Variants in FAM20B observed in about 807,000 individuals in gnomAD.
FAM20B encodes glycosaminoglycan xylosylkinase.
Under a neutral mutation model 43.8 loss-of-function variants are expected in FAM20B, and 23 were observed. The ratio of observed to expected loss-of-function variants is 0.53; its 90% CI spans 0.38 to 0.74. FAM20B has a LOEUF of 0.74. FAM20B is among the 30% of genes least tolerant of loss of function. The pLI, the probability that FAM20B is intolerant of heterozygous loss-of-function variation, is 0.00. For synonymous variants in FAM20B, 178 were observed against 192.4 expected, an observed-to-expected ratio of 0.93 and a Z score of 0.62; for missense variants, 440 against 510.5, an observed-to-expected ratio of 0.86 and a Z score of 1.33.
chr1:179,022,105 C>A (rs968138596), upstream of FAM20B, among the ~76,000 whole-genome samples: 5 of 152,072 alleles, frequency 3.3e-5, no homozygotes, highest in African/African-American at 1.2e-4. Flanking sequence ...AAGCAAGAGG[C>A]GGGCTGGGAG....
At chr1:179,021,911 G>A (rs560855863), upstream of FAM20B, among the ~76,000 whole-genome samples, 6 of 152,256 alleles carry the variant, frequency 3.9e-5, no homozygotes, top group East Asian at 7.7e-4. Context: ...TATTGCTAGA[G>A]TGAAAAAATA....
chr1:179,022,413 T>G (rs894193023), upstream of FAM20B, among the ~76,000 whole-genome samples: 1 of 152,192 alleles, frequency 6.6e-6, no homozygotes, highest in African/African-American at 2.4e-5. Flanking sequence ...GAGGGATCCA[T>G]CATGGTGGCT....
intron 4 of FAM20B, among the ~76,000 whole-genome samples, chr1:179,061,076 ATTTTTTT>A (rs67897742): frequency 1.6e-5 from 2 of 126,288 alleles, no homozygotes; most frequent in Non-Finnish European, 3.2e-5. Context: ...TCTTTGTCGA[ATTTTTTT>A]TTTTTTTTTT....
intron 2 of FAM20B, among the ~76,000 whole-genome samples, chr1:179,046,051 A>G (rs1650757151): frequency 6.6e-6 from 1 of 152,198 alleles, no homozygotes; most frequent in Non-Finnish European, 1.5e-5. Flanking sequence ...GGACAATTTC[A>G]GTTCTTATTT....
At chr1:179,037,683 C>T (rs776355191) in intron 1 of FAM20B, among the ~76,000 whole-genome samples, 4 of 151,892 alleles carry the variant, frequency 2.6e-5, no homozygotes, top group Non-Finnish European at 4.4e-5. Context: ...GATGGGGTTT[C>T]GCCGTGTTGT....
chr1:179,044,151 G>A lies in FAM20B; in HGVS notation c.304G>A (p.Gly102Ser). Residue 102 changes from glycine (G) to serine (S), a missense_variant, in exon 2 of 8, where the codon GGT (glycine) becomes AGT (serine). Gly to Ser is a moderately conservative substitution (Grantham distance 56, BLOSUM62 0). Coordinates refer to ENST00000263733, the MANE Select transcript of FAM20B (RefSeq NM_014864.4). ...CAAGAAAATCATTAAAGCTGATGTG[G>A]GTTATAAAGGGACACAGCTGAAAGC... ...ATKKIIKADV[G>S]YKGTQLKALL... The A allele has an allele frequency of 1.2e-6, 2 of 1,614,130 alleles. No homozygotes were observed. The highest frequency in any genetic ancestry group is 2.2e-5 in the South Asian group (2 of 91,084).
intron 7 of FAM20B, among the ~76,000 whole-genome samples, chr1:179,069,908 C>T (rs148273545): frequency 3.3e-5 from 5 of 152,232 alleles, no homozygotes; most frequent in East Asian, 3.9e-4. Flanking sequence ...TTCTGCATAC[C>T]CAGTAATTCC....
At chr1:179,024,497 T>C (rs1429471542), upstream of FAM20B, among the ~76,000 whole-genome samples, 2 of 152,242 alleles carry the variant, frequency 1.3e-5, no homozygotes, top group African/African-American at 2.4e-5. Context: ...CTGATCTTCC[T>C]GTGCAGAGAA....
In FAM20B at chr1:179,054,564, G is replaced by A; in HGVS notation, c.500G>A (p.Gly167Asp). ...TTCCACCGAGCCCCCTTGGTAGTTG[G>A]CAGATTTGTTAATCTTCGGACAGAG... Reference protein sequence around the residue: ...LGFHRAPLVVGRFVNLRTEIK... With the variant: ...LGFHRAPLVVDRFVNLRTEIK... Residue 167 changes from glycine to aspartate, a missense_variant, in exon 4 of 8, where the codon GGC becomes GAC. Physicochemically the swap from Gly to Asp is moderately conservative, Grantham distance 94. Transcript: ENST00000263733. 6.2e-7 allele frequency: 1 copy of A among 1,612,850 alleles called. No homozygotes were observed. The highest frequency in any genetic ancestry group is 8.5e-7 in the Non-Finnish European group (1 of 1,179,160).
At chr1:179,037,546 A>AG in intron 1 of FAM20B, among the ~76,000 whole-genome samples, 1 of 126,928 alleles carries the variant, frequency 7.9e-6, no homozygotes, top group Non-Finnish European at 1.5e-5. Context: ...GTGCAATGGC[A>AG]CGATCTCAGC....
intron 4 of FAM20B, among the ~76,000 whole-genome samples, chr1:179,061,915 G>A (rs1377440705): frequency 2.0e-5 from 3 of 152,028 alleles, no homozygotes; most frequent in Admixed American, 6.6e-5. Context: ...CTACAAACTA[G>A]TTCCTGTGTC....
intron 1 of FAM20B, among the ~76,000 whole-genome samples, chr1:179,030,444 C>T (rs1482223866): frequency 1.3e-5 from 2 of 152,288 alleles, no homozygotes; most frequent in East Asian, 1.9e-4. Context: ...CTCCTTTCTT[C>T]CTTTTAGCAT....
chr1:179,029,883 G>A (rs552348121), intron 1 of FAM20B, among the ~76,000 whole-genome samples: 2 of 152,224 alleles, frequency 1.3e-5, no homozygotes, highest in South Asian at 4.1e-4. Flanking sequence ...TATATGCTTT[G>A]GTTATTATTA....
In FAM20B at chr1:179,072,669, G is replaced by A. The variant is rs1651975077; in HGVS notation, c.*525G>A. The A allele has an allele frequency of 6.5e-6, 1 of 153,270 alleles. No individual in the cohort carries two copies. The highest frequency in any genetic ancestry group is 1.5e-5 in the Non-Finnish European group (1 of 68,858). The allele number at this position is 153,270 out of a possible 1,614,324, so 9.5% of individuals were successfully genotyped here. On this transcript the variant is annotated 3_prime_UTR_variant, in exon 8 of 8. Coordinates refer to ENST00000263733, the MANE Select transcript of FAM20B (RefSeq NM_014864.4). ...CAAAATAGCACACTCTGTTAGAGGA[G>A]ATACATGTTTAAGATAGAATTGGAG...
intron 4 of FAM20B, 46 bp from the exon 5 acceptor site, chr1:179,063,881 T>G (rs994705507): frequency 1.4e-6 from 2 of 1,412,120 alleles, no homozygotes; most frequent in Non-Finnish European, 1.9e-6. Context: ...GAACTTGGAG[T>G]CTTCGTTATT....
At chr1:179,071,126 C>T (rs1233101856) in intron 7 of FAM20B, among the ~76,000 whole-genome samples, 2 of 151,768 alleles carry the variant, frequency 1.3e-5, no homozygotes, top group Non-Finnish European at 2.9e-5. Flanking sequence ...AAACCCGTCT[C>T]TACTAAAAAA....
chr1:179,039,830 T>C (rs952175426), intron 1 of FAM20B, among the ~76,000 whole-genome samples: 1 of 152,048 alleles, frequency 6.6e-6, no homozygotes, highest in African/African-American at 2.4e-5. Flanking sequence ...GGTCAGCAGA[T>C]AAACAAGTGA....
intron 1 of FAM20B, among the ~76,000 whole-genome samples, chr1:179,033,355 A>G (rs1373695076): frequency 6.6e-6 from 1 of 152,218 alleles, no homozygotes; most frequent in Non-Finnish European, 1.5e-5. Flanking sequence ...GTATCTTTCT[A>G]AATATATACA....
intron 7 of FAM20B, among the ~76,000 whole-genome samples, chr1:179,071,195 C>T (rs1651909042): frequency 6.6e-6 from 1 of 151,902 alleles, no homozygotes; most frequent in South Asian, 2.1e-4. Flanking sequence ...ACTCAGGAGG[C>T]TGAGGCAGGA....
Sources: allele counts gnomAD v4.1 joint callset (sites outside exome capture counted in the v4.1 genomes callset), GRCh38; gene constraint gnomAD v4.1.1; transcripts MANE v1.5; gene names NCBI Gene and HGNC (gene_info 2026-07-23, HGNC 2026-07-21).